The following SCFD2 variants were observed in gnomAD, a reference collection of about 807,000 sequenced individuals.
SCFD2 encodes the protein sec1 family domain containing 2.
SCFD2 carries 54 observed loss-of-function variants against 58.9 expected under a neutral mutation model. The observed-to-expected ratio is 0.92, with a 90% CI of 0.74 to 1.15. The LOEUF is 1.15. Ranked by LOEUF, SCFD2 falls within the 50% of genes most tolerant of loss-of-function variation. SCFD2 has a pLI of 0.00. For missense variants in SCFD2, 805 were observed against 836.6 expected (o/e 0.96, Z 0.47); for synonymous variants, 321 against 335.9 (o/e 0.96, Z 0.49).
chr4:53,333,666 A>G (rs1380025973), intron 2 of SCFD2, among the ~76,000 whole-genome samples: 1 of 140,758 alleles, frequency 7.1e-6, no homozygotes, highest in South Asian at 2.3e-4. Context: ...AACCTAGGCA[A>G]TACCATTCAG....
chr4:53,178,171 C>T (rs1231030483), intron 4 of SCFD2, among the ~76,000 whole-genome samples: 9 of 152,072 alleles, frequency 5.9e-5, no homozygotes, highest in Admixed American at 1.3e-4. Flanking sequence ...GTGGTTCTCC[C>T]GTCATGCCTG....
At chr4:53,281,503 A>G (rs1450275198) in intron 3 of SCFD2, among the ~76,000 whole-genome samples, 1 of 152,258 alleles carries the variant, frequency 6.6e-6, no homozygotes, top group Non-Finnish European at 1.5e-5. Context: ...ATGTTAATTC[A>G]ACAGTTGACA....
chr4:52,976,153 C>T (rs1160074333), intron 5 of SCFD2, among the ~76,000 whole-genome samples: 1 of 151,842 alleles, frequency 6.6e-6, no homozygotes, highest in African/African-American at 2.4e-5. Flanking sequence ...TGTACATGTA[C>T]CCTAAAACTT....
intron 4 of SCFD2, among the ~76,000 whole-genome samples, chr4:53,238,399 G>A (rs1194002432): frequency 7.0e-6 from 1 of 143,744 alleles, no homozygotes; most frequent in African/African-American, 2.6e-5. Context: ...GGCCTGGCGG[G>A]GGGCTGACCC....
At chr4:53,353,281 T>C (rs1441226925) in intron 1 of SCFD2, among the ~76,000 whole-genome samples, 1 of 151,786 alleles carries the variant, frequency 6.6e-6, no homozygotes, top group African/African-American at 2.4e-5. Flanking sequence ...TCCTCTGGGG[T>C]TGTTCATCCC....
In SCFD2 at chr4:53,274,541, T is replaced by G. The variant is rs140848023; in HGVS notation, c.1136-540A>C. On this transcript the variant is annotated intron_variant, in intron 3 of 8. Transcript: ENST00000401642. ...AACAAAAATGTATCAAGAACTACAG[T>G]GCAAAACCACTGGAAGAGGAGGTAT... Among the ~76,000 whole-genome samples, 5 of 152,276 alleles carry G rather than the reference T, an allele frequency of 3.3e-5. No individual in the cohort carries two copies. In the East Asian group the frequency reaches 9.6e-4, roughly 29 times the overall value.
At chr4:53,139,636 G>A (rs1401606247) in intron 5 of SCFD2, among the ~76,000 whole-genome samples, 17 of 149,282 alleles carry the variant, frequency 1.1e-4, no homozygotes, top group South Asian at 2.1e-4. Context: ...GGTGGGGGGC[G>A]CCTCTGCCCG....
intron 4 of SCFD2, among the ~76,000 whole-genome samples, chr4:53,176,669 G>A (rs909244729): frequency 6.6e-6 from 1 of 152,230 alleles, no homozygotes; most frequent in Non-Finnish European, 1.5e-5. Flanking sequence ...ACAGGTTTTG[G>A]ATGGGTGCAG....
At chr4:53,349,676 G>A (rs1165707225) in intron 2 of SCFD2, among the ~76,000 whole-genome samples, 2 of 152,122 alleles carry the variant, frequency 1.3e-5, no homozygotes, top group Non-Finnish European at 2.9e-5. Flanking sequence ...TCAGTGCTGG[G>A]GAGTCAAGGT....
intron 5 of SCFD2, among the ~76,000 whole-genome samples, chr4:52,987,212 T>G (rs995115139): frequency 3.9e-5 from 6 of 151,922 alleles, no homozygotes; most frequent in African/African-American, 9.7e-5. Context: ...GTATTTTTAG[T>G]AGAGACGGGG....
rs993226011 is a variant in SCFD2, at chr4:52,955,443, G to A, written c.1562-34573C>T. ...TGAGTACTAATGTGGTAGACCCTCT[G>A]GTAAGCCCTTCATGTCTTCTATAAC... On this transcript the variant is annotated intron_variant, in intron 5 of 8. Transcript: ENST00000401642. Among the ~76,000 whole-genome samples the A allele has an allele frequency of 2.0e-5, 3 of 152,152 alleles. No individual in the cohort carries two copies. The South Asian group carries it at 6.2e-4, about 32-fold the overall frequency.
rs1176928706 is a variant in SCFD2 at position 52,873,382 on chromosome 4, T to C, written c.*587A>G. On this transcript the variant is annotated 3_prime_UTR_variant, in exon 9 of 9. Coordinates refer to ENST00000401642, the MANE Select transcript of SCFD2 (RefSeq NM_152540.4). ...CCAGCTAGAACAATGCAGTCCTTTG[T>C]TATGGCAGGATGATTTACAACACAT... 2.0e-5 allele frequency: 3 copies of C among 152,502 alleles called. No homozygotes were observed. The highest frequency in any genetic ancestry group is 4.4e-5 in the Non-Finnish European group (3 of 68,302). The allele number at this position is 152,502 out of a possible 1,614,324, so 9.4% of individuals were successfully genotyped here.
intron 5 of SCFD2, among the ~76,000 whole-genome samples, chr4:53,113,290 CCTTA>C (rs1363578332): frequency 6.6e-6 from 1 of 152,072 alleles, no homozygotes; most frequent in Non-Finnish European, 1.5e-5. Context: ...GGACCATAAC[CCTTA>C]CTTTGGCCAA....
At chr4:53,087,770 C>A (rs984433576) in intron 5 of SCFD2, among the ~76,000 whole-genome samples, 7 of 148,154 alleles carry the variant, frequency 4.7e-5, no homozygotes, top group African/African-American at 1.8e-4. Context: ...AAGCGATTTT[C>A]CTGCCTCAGC....
intron 7 of SCFD2, among the ~76,000 whole-genome samples, chr4:52,890,234 G>A (rs910860726): frequency 4.6e-5 from 7 of 152,140 alleles, no homozygotes; most frequent in Non-Finnish European, 8.8e-5. Flanking sequence ...AGAGAGTCTG[G>A]AATCCAAAGT....
At chr4:52,913,321 C>A (rs1022280420) in intron 6 of SCFD2, among the ~76,000 whole-genome samples, 5 of 152,162 alleles carry the variant, frequency 3.3e-5, no homozygotes, top group Non-Finnish European at 5.9e-5. Context: ...TTGCTTCCCA[C>A]CACTTGCATT....
chr4:52,970,617 C>A (rs898490275), intron 5 of SCFD2, among the ~76,000 whole-genome samples: 10 of 152,210 alleles, frequency 6.6e-5, no homozygotes, highest in Non-Finnish European at 1.3e-4. Context: ...CAAAAGGCAG[C>A]AGAGTCCTCT....
At chr4:53,061,757 G>A (rs1723519717) in intron 5 of SCFD2, among the ~76,000 whole-genome samples, 2 of 152,092 alleles carry the variant, frequency 1.3e-5, no homozygotes, top group African/African-American at 2.4e-5. Context: ...TTTTTCCCTG[G>A]GGAGTTGTGT....
chr4:53,245,467 A>G (rs1241572843), intron 4 of SCFD2, among the ~76,000 whole-genome samples: 3 of 152,326 alleles, frequency 2.0e-5, no homozygotes, highest in Non-Finnish European at 4.4e-5. Context: ...GTAAATCAAT[A>G]AACATGATTC....
Sources: gnomAD v4.1 joint callset for allele counts (sites outside exome capture counted in the v4.1 genomes callset) on GRCh38, gnomAD v4.1.1 for gene constraint, MANE v1.5 for transcripts, NCBI Gene and HGNC (gene_info 2026-07-23, HGNC 2026-07-21) for gene names.